CRYBB2: variants seen among roughly 807,000 people sequenced by gnomAD.
CRYBB2 encodes the protein crystallin beta B2.
A neutral mutation model predicts 24.3 loss-of-function variants in CRYBB2; 12 were observed. That is an observed-to-expected ratio of 0.49 (90% CI 0.32 to 0.80). The LOEUF (loss-of-function observed/expected upper bound fraction) is 0.80, where lower values mean the gene tolerates loss of function less well. CRYBB2 is among the 30% of genes least tolerant of loss of function. The pLI is 0.04. For synonymous variants in CRYBB2, 98 were observed against 101.6 expected (o/e 0.96, Z 0.21); for missense variants, 198 against 268.5 (o/e 0.74, Z 1.83).
At chr22:25,228,349 C>A (rs1366782864) in intron 4 of CRYBB2, among the ~76,000 whole-genome samples, 12 of 148,244 alleles carry the variant, frequency 8.1e-5, no homozygotes, top group African/African-American at 3.0e-4. Flanking sequence ...CCGCCCCCCG[C>A]GCCCAAGGGT....
chr22:25,215,948 T>C (rs372230436), upstream of CRYBB2, among the ~76,000 whole-genome samples: 17 of 152,200 alleles, frequency 1.1e-4, no homozygotes, highest in African/African-American at 4.1e-4. Context: ...TTTGGGCAAG[T>C]GGCTTAGTCT....
intron 1 of CRYBB2, chr22:25,213,314 G>C (rs996588852): frequency 6.6e-6 from 1 of 152,156 alleles, no homozygotes; most frequent in South Asian, 2.1e-4. Context: ...GGAACACCAA[G>C]ACCTATTCTC....
upstream of CRYBB2, among the ~76,000 whole-genome samples, chr22:25,218,810 G>GAA (rs1320451456): frequency 2.5e-5 from 3 of 122,378 alleles, no homozygotes; most frequent in Admixed American, 7.9e-5. Flanking sequence ...AAGAAAGAAA[G>GAA]AAAGAAAGAA....
intron 1 of CRYBB2, among the ~76,000 whole-genome samples, chr22:25,220,617 C>T (rs117813616): frequency 0.018 from 2,803 of 152,254 alleles, 45 homozygotes; most frequent in Non-Finnish European, 0.029. Context: ...TGGAAGCTGG[C>T]GTTATCTCTG....
upstream of CRYBB2, among the ~76,000 whole-genome samples, chr22:25,218,463 C>T (rs544084801): frequency 1.3e-5 from 2 of 151,416 alleles, no homozygotes; most frequent in Admixed American, 6.6e-5. Flanking sequence ...TTGAGACCAC[C>T]CTGGGCAACA....
chr22:25,218,122 G>A (rs1307116148), upstream of CRYBB2, among the ~76,000 whole-genome samples: 7 of 150,982 alleles, frequency 4.6e-5, no homozygotes, highest in Non-Finnish European at 7.3e-5. Context: ...AGCCGGGCGT[G>A]TTGGCGGGCG....
At chr22:25,228,091 C>T (rs1485267435) in intron 4 of CRYBB2, 106 bp downstream of exon 4, 2 of 1,541,606 alleles carry the variant, frequency 1.3e-6, no homozygotes, top group Admixed American at 1.9e-5. Context: ...GGGCCCGCCC[C>T]TCTAGCACTG....
upstream of CRYBB2, among the ~76,000 whole-genome samples, chr22:25,218,315 C>T (rs1254669218): frequency 2.7e-5 from 4 of 150,522 alleles, no homozygotes; most frequent in African/African-American, 7.3e-5. Context: ...CATGTGGCAG[C>T]GATGGGGCCA....
At chr22:25,212,307 G>A (rs567902475), upstream of CRYBB2, among the ~76,000 whole-genome samples, 14 of 152,316 alleles carry the variant, frequency 9.2e-5, no homozygotes, top group African/African-American at 3.4e-4. Flanking sequence ...AGAAAACTAG[G>A]CTACATGGCC....
intron 2 of CRYBB2, among the ~76,000 whole-genome samples, chr22:25,223,266 A>G (rs779387971): frequency 6.6e-6 from 1 of 152,192 alleles, no homozygotes; most frequent in Non-Finnish European, 1.5e-5. Flanking sequence ...TCTGCATCAG[A>G]CAAGTCTGGG....
At chr22:25,212,431 C>T (rs1160733076), upstream of CRYBB2, among the ~76,000 whole-genome samples, 1 of 152,200 alleles carries the variant, frequency 6.6e-6, no homozygotes, top group African/African-American at 2.4e-5. Flanking sequence ...CCTGAGAGCT[C>T]CTGGGAGCTG....
At chr22:25,228,163 C>A (rs1935456622) in intron 4 of CRYBB2, among the ~76,000 whole-genome samples, 178 bp downstream of exon 4, 1 of 150,846 alleles carries the variant, frequency 6.6e-6, no homozygotes, top group Non-Finnish European at 1.5e-5. Context: ...CATTTTACTT[C>A]CCTGAGCCTC....
intron 4 of CRYBB2, 133 bp from the exon 5 acceptor site, chr22:25,229,303 C>A: frequency 1.4e-6 from 2 of 1,460,566 alleles, no homozygotes; most frequent in Non-Finnish European, 1.9e-6. Context: ...GTCATAGACA[C>A]GTAGTGGGTG....
chr22:25,218,238 G>A (rs577363821), upstream of CRYBB2, among the ~76,000 whole-genome samples: 534 of 148,862 alleles, frequency 3.6e-3, 5 homozygotes, highest in South Asian at 0.018. Context: ...CAGCCTGGGC[G>A]ACAGAGCGAG....
At chr22:25,222,655 G>T (rs763856838) in intron 2 of CRYBB2, among the ~76,000 whole-genome samples, 6 of 152,220 alleles carry the variant, frequency 3.9e-5, no homozygotes, top group Non-Finnish European at 8.8e-5. Context: ...TCCGAGGTGG[G>T]AATGAACTGG....
At chr22:25,216,609 T>A (rs1935172715), upstream of CRYBB2, among the ~76,000 whole-genome samples, 1 of 151,838 alleles carries the variant, frequency 6.6e-6, no homozygotes, top group Admixed American at 6.6e-5. Context: ...ACTTCTGGGG[T>A]TTTTTGGGGG....
chr22:25,215,569 T>TG (rs34796117), upstream of CRYBB2, among the ~76,000 whole-genome samples: 90,950 of 151,896 alleles, frequency 0.6, 27,905 homozygotes, highest in East Asian at 0.92. Context: ...CTAGCGCCAC[T>TG]GGTTAGGGTC....
chr22:25,229,801 G>A (rs1935499874), intron 5 of CRYBB2, among the ~76,000 whole-genome samples: 3 of 152,014 alleles, frequency 2.0e-5, no homozygotes, highest in Admixed American at 2.0e-4. Context: ...GTATGCCTTT[G>A]GAGTGGAGAA....
At chr22:25,218,191 A>G (rs9620498), upstream of CRYBB2, among the ~76,000 whole-genome samples, 13,640 of 151,836 alleles carry the variant, frequency 0.09, 685 homozygotes, top group Non-Finnish European at 0.098. Context: ...CACGGGAGGC[A>G]GAGCTTGCAG....
Sources: gnomAD v4.1 joint callset for allele counts (sites outside exome capture counted in the v4.1 genomes callset) on GRCh38, gnomAD v4.1.1 for gene constraint, MANE v1.5 for transcripts, NCBI Gene and HGNC (gene_info 2026-07-23, HGNC 2026-07-21) for gene names.